PACSIN2: variants seen among roughly 807,000 people sequenced by gnomAD.
PACSIN2 encodes protein kinase C and casein kinase substrate in neurons protein 2.
Under a neutral mutation model 63.8 loss-of-function variants are expected in PACSIN2, and 25 were observed. The ratio of observed to expected loss-of-function variants is 0.39; its 90% CI spans 0.29 to 0.55. PACSIN2 has a LOEUF of 0.55. Among genes scored for constraint, PACSIN2 ranks in the 20% least tolerant of loss-of-function variants. The pLI, the probability that PACSIN2 is intolerant of heterozygous loss-of-function variation, is 0.62. For missense variants in PACSIN2, 518 were observed against 646.9 expected (o/e 0.80, Z 2.16); for synonymous variants, 255 against 256.2 (o/e 1.00, Z 0.05).
intron 1 of PACSIN2, among the ~76,000 whole-genome samples, chr22:42,983,964 C>CTTTTTTTTTTTT (rs532427677): frequency 9.6e-6 from 1 of 104,640 alleles, no homozygotes; most frequent in Non-Finnish European, 1.8e-5. Context: ...GCACTTAGCA[C>CTTTTTTTTTTTT]TTTTTTTTTT....
intron 1 of PACSIN2, among the ~76,000 whole-genome samples, chr22:42,979,159 T>A (rs562046710): frequency 5.3e-5 from 8 of 152,294 alleles, no homozygotes; most frequent in African/African-American, 1.9e-4. Context: ...ACAATTCAAA[T>A]GTCCATACCA....
At chr22:42,872,826 G>T (rs564978797) in intron 10 of PACSIN2, among the ~76,000 whole-genome samples, 1 of 152,270 alleles carries the variant, frequency 6.6e-6, no homozygotes. Context: ...TGCGCCTGCA[G>T]ATCTAACCCA....
chr22:42,914,749 C>T (rs1931700056), intron 1 of PACSIN2, among the ~76,000 whole-genome samples: 1 of 152,222 alleles, frequency 6.6e-6, no homozygotes, highest in African/African-American at 2.4e-5. Context: ...CAGGCCCCTG[C>T]TCCGGACTGA....
At chr22:42,912,517 G>A (rs1784825873) in intron 1 of PACSIN2, among the ~76,000 whole-genome samples, 1 of 152,192 alleles carries the variant, frequency 6.6e-6, no homozygotes, top group Non-Finnish European at 1.5e-5. Context: ...CCTCTCCAGA[G>A]TGGCTACCAC....
rs1602154932 is a variant in PACSIN2, at chr22:42,871,774, C to T, written c.1349-305G>A. On this transcript the variant is annotated intron_variant, in intron 10 of 10. Coordinates refer to ENST00000263246, the MANE Select transcript of PACSIN2 (RefSeq NM_001184970.3). The surrounding 1 kb of genome is among the most constrained non-coding windows in gnomAD (Gnocchi z 5.4). Reference sequence around the variant, plus strand: ...GCTCCATAGGGCTGTGCCTTCCTCACCACCCTGGCCAGGTGGCAGGAATCG... The same window carrying T: ...GCTCCATAGGGCTGTGCCTTCCTCATCACCCTGGCCAGGTGGCAGGAATCG... Among the ~76,000 whole-genome samples the T allele has an allele frequency of 2.0e-5, 3 of 152,156 alleles. No individual in the cohort carries two copies. The South Asian group carries it at 6.2e-4, about 32-fold the overall frequency.
intron 1 of PACSIN2, among the ~76,000 whole-genome samples, chr22:42,965,744 A>G (rs1312936885): frequency 2.0e-5 from 3 of 152,218 alleles, no homozygotes; most frequent in Admixed American, 1.3e-4. Flanking sequence ...TAGCACCGCG[A>G]TGAAAGGCAT....
intron 2 of PACSIN2, among the ~76,000 whole-genome samples, chr22:42,901,631 G>C (rs553243357): frequency 1.3e-5 from 2 of 152,242 alleles, no homozygotes; most frequent in Non-Finnish European, 2.9e-5. Flanking sequence ...TACACTGCAC[G>C]GTAGGTTTCT....
chr22:42,895,803 A>T (rs1260492559), intron 2 of PACSIN2, among the ~76,000 whole-genome samples: 1 of 152,252 alleles, frequency 6.6e-6, no homozygotes, highest in Non-Finnish European at 1.5e-5. Context: ...CCAACGGGAG[A>T]AGGGCAGTAT....
intron 1 of PACSIN2, among the ~76,000 whole-genome samples, chr22:42,983,008 C>T (rs2146889423): frequency 6.6e-6 from 1 of 151,818 alleles, no homozygotes; most frequent in African/African-American, 2.4e-5. Flanking sequence ...TGGTGAAACC[C>T]CATCTCTACT....
At chr22:42,932,419 T>G (rs992035617) in intron 1 of PACSIN2, among the ~76,000 whole-genome samples, 2 of 152,334 alleles carry the variant, frequency 1.3e-5, no homozygotes. Flanking sequence ...CTGTGTACAG[T>G]CTGCTTTCCC....
intron 1 of PACSIN2, among the ~76,000 whole-genome samples, chr22:42,947,389 C>G (rs1933471125): frequency 6.6e-6 from 1 of 152,148 alleles, no homozygotes; most frequent in South Asian, 2.1e-4. Context: ...TCAGGCAGCC[C>G]CTTCTAGAAG....
At chr22:42,994,886 G>A (rs1923295510) in intron 1 of PACSIN2, among the ~76,000 whole-genome samples, 1 of 152,160 alleles carries the variant, frequency 6.6e-6, no homozygotes, top group African/African-American at 2.4e-5. Context: ...CTGGCCCAGA[G>A]ATCCTTCTCT....
intron 1 of PACSIN2, among the ~76,000 whole-genome samples, chr22:43,014,321 TACACACACAC>T (rs139728514): frequency 9.2e-5 from 12 of 130,448 alleles, no homozygotes; most frequent in Non-Finnish European, 1.5e-4. Context: ...CCCCCCGCCC[TACACACACAC>T]ACACACACAC....
chr22:43,008,625 T>G (rs1924253793), intron 1 of PACSIN2, among the ~76,000 whole-genome samples: 1 of 152,168 alleles, frequency 6.6e-6, no homozygotes, highest in African/African-American at 2.4e-5. Context: ...ACCAAAAAAA[T>G]TAGTCCATAA....
chr22:42,982,869 T>TA (rs1252040629), intron 1 of PACSIN2, among the ~76,000 whole-genome samples: 1,899 of 44,054 alleles, frequency 0.043, 110 homozygotes, highest in South Asian at 0.077. Context: ...GAATGATCAA[T>TA]AAAAAAAAAA....
intron 1 of PACSIN2, among the ~76,000 whole-genome samples, chr22:42,936,712 A>C (rs557884183): frequency 2.6e-5 from 4 of 152,272 alleles, no homozygotes; most frequent in African/African-American, 9.6e-5. Context: ...GGGGTTCAAG[A>C]CCAGCCTGGC....
At chr22:42,899,213 A>G (rs1010425570) in intron 2 of PACSIN2, among the ~76,000 whole-genome samples, 2 of 152,226 alleles carry the variant, frequency 1.3e-5, no homozygotes, top group African/African-American at 4.8e-5. Flanking sequence ...TGTGAGGTAA[A>G]ACCATAACAT....
chr22:42,876,936 T>C lies in PACSIN2; in HGVS notation c.1103A>G (p.Asp368Gly). ...QSSYNPFEDE[D>G]DTGSTVSEKD... The stretch of plus-strand genomic sequence containing the variant: ...CTCACTGACGGTGCTGCCCGTGTCG[T>C]CCTCATCCTCGAAGGGGTTGTAGCT... The change falls in exon 9 of 11, where the codon GAC becomes GGC. Residue 368 changes from aspartate (D) to glycine (G), a missense_variant. Transcript: ENST00000263246. 1.2e-6 allele frequency: 2 copies of C among 1,614,158 alleles called. No homozygotes were observed. The highest frequency in any genetic ancestry group is 2.2e-5 in the South Asian group (2 of 91,082).
chr22:42,929,941 C>A (rs1932752476), intron 1 of PACSIN2, among the ~76,000 whole-genome samples: 1 of 152,212 alleles, frequency 6.6e-6, no homozygotes, highest in South Asian at 2.1e-4. Context: ...TCACACAGGG[C>A]TCCTTCCAAT....
Sources: allele counts gnomAD v4.1 joint callset (sites outside exome capture counted in the v4.1 genomes callset), GRCh38; gene constraint gnomAD v4.1.1; non-coding constraint Gnocchi (gnomAD v3.1); transcripts MANE v1.5; gene names NCBI Gene and HGNC (gene_info 2026-07-23, HGNC 2026-07-21).